DDX49: variants seen among roughly 807,000 people sequenced by gnomAD.
DDX49 encodes the protein probable ATP-dependent RNA helicase DDX49.
Under a neutral mutation model 56.3 loss-of-function variants are expected in DDX49, and 50 were observed. The ratio of observed to expected loss-of-function variants is 0.89; its 90% confidence interval spans 0.71 to 1.12. The LOEUF (loss-of-function observed/expected upper bound fraction) is 1.12. Among genes scored for constraint, DDX49 ranks in the 50% most tolerant of loss-of-function variants. The pLI is 0.00. For missense variants in DDX49, 614 were observed against 650.5 expected, an observed-to-expected ratio of 0.94 and a Z score of 0.61; for synonymous variants, 269 against 270.6, an observed-to-expected ratio of 0.99 and a Z score of 0.06.
At chr19:18,927,879 C>G in intron 11 of DDX49, 25 bp downstream of exon 11, 1 of 1,613,930 alleles carries the variant, frequency 6.2e-7, no homozygotes. Context: ...CGGGCAGGAA[C>G]TAAAGTGCTC....
At chr19:18,921,490 C>CGAGGGG (rs2056916681) in intron 2 of DDX49, among the ~76,000 whole-genome samples, 173 bp from the exon 3 acceptor site, 1 of 152,062 alleles carries the variant, frequency 6.6e-6, no homozygotes, top group Admixed American at 6.5e-5. Context: ...CTGAGCCTGG[C>CGAGGGG]GAGGGGGCAG....
At chr19:18,924,728 G>A (rs59107085) in intron 8 of DDX49, 29 bp downstream of exon 8, 1 of 1,613,986 alleles carries the variant, frequency 6.2e-7, no homozygotes, top group Non-Finnish European at 8.5e-7. Flanking sequence ...CCTGCCAAGG[G>A]CACTCCCTCT....
At chr19:18,924,383 C>A (rs1218964779) in intron 7 of DDX49, 75 bp downstream of exon 7, 9 of 1,478,124 alleles carry the variant, frequency 6.1e-6, no homozygotes, top group Non-Finnish European at 8.4e-6. Context: ...CCGATCCTTC[C>A]TTCTGCCGGG....
rs1356954852 is a variant in DDX49 at position 18,924,676 on chromosome 19, G to A, written c.906G>A (p.Leu302=). ...TCAAGTCCAGCATCTACCGGATCCT[G>A]ATCGCAACAGACGTGGCCTCCCGGT... The part of the protein sequence containing the change: ...AKFKSSIYRI[L]IATDVASRGL... Residue 302 remains leucine (L), a synonymous_variant, in exon 8 of 13, where the codon CTG becomes CTA. Transcript: ENST00000247003. 6.2e-7 allele frequency: 1 copy of A among 1,614,214 alleles called. No individual in the cohort carries two copies. Among genetic ancestry groups the A allele is most frequent in the African/African-American group, 1.3e-5 (1 of 75,050 alleles).
At chr19:18,923,338 G>T (rs1426857069) in intron 6 of DDX49, among the ~76,000 whole-genome samples, 1 of 152,116 alleles carries the variant, frequency 6.6e-6, no homozygotes. Context: ...CCTGCCCAAC[G>T]TGGTGAAACT....
chr19:18,926,726 G>C (rs2056964199), intron 10 of DDX49, among the ~76,000 whole-genome samples: 1 of 152,168 alleles, frequency 6.6e-6, no homozygotes, highest in South Asian at 2.1e-4. Context: ...CCAAGACAGA[G>C]ACACTTCCTA....
intron 6 of DDX49, among the ~76,000 whole-genome samples, chr19:18,923,830 G>A (rs80074873): frequency 1.8e-5 from 1 of 55,536 alleles, no homozygotes; most frequent in Non-Finnish European, 3.6e-5. Context: ...TTTTTTTTTT[G>A]AGAGTCTCAC....
chr19:18,925,648 T>A (rs2056955190), intron 9 of DDX49, among the ~76,000 whole-genome samples: 1 of 152,210 alleles, frequency 6.6e-6, no homozygotes, highest in African/African-American at 2.4e-5. Flanking sequence ...AGCCAGGTGA[T>A]GAACTGAGCA....
chr19:18,928,052 G>A lies in DDX49; in HGVS notation c.1263+16G>A, dbSNP rs757557351. On this transcript the variant is annotated intron_variant, in intron 12 of 12. Transcript: ENST00000247003. ...GGAGGGGAAGGTGAGGGCCGAGCCC[G>A]CAGGTAGGGGGTGGGTGGCCAGGTT... 19 of 1,613,484 alleles carry A rather than the reference G, an allele frequency of 1.2e-5. No homozygotes were observed. The highest frequency in any genetic ancestry group is 6.6e-5 in the South Asian group (6 of 91,080).
chr19:18,924,884 G>A lies in DDX49; in HGVS notation c.932G>A (p.Gly311Asp). ...TGACCAGCCACCTCTGCCTCCAGGGGCCTGGACATCCCTACGGTACAGGTG... is the reference window on the plus strand; with the variant it reads ...TGACCAGCCACCTCTGCCTCCAGGGACCTGGACATCCCTACGGTACAGGTG... ...ILIATDVASRGLDIPTVQVVI... is the reference protein window; with the variant it reads ...ILIATDVASRDLDIPTVQVVI... Residue 311 changes from glycine to aspartate, a missense_variant and splice_region_variant, in exon 9 of 13, where the codon GGC becomes GAC. Coordinates refer to ENST00000247003, the MANE Select transcript of DDX49 (RefSeq NM_019070.5). 4.3e-6 allele frequency: 7 copies of A among 1,612,872 alleles called. No homozygotes were observed. Among genetic ancestry groups the A allele is most frequent in the Non-Finnish European group, 5.9e-6 (7 of 1,179,998 alleles).
Position 18,926,292 on chromosome 19 carries a change from C to T in DDX49, c.1028-11C>T. 1 of 1,569,196 alleles carries T rather than the reference C, an allele frequency of 6.4e-7. No homozygotes were observed. Among genetic ancestry groups the T allele is most frequent in the Non-Finnish European group, 8.6e-7 (1 of 1,156,732 alleles). ...CCCAGCACATAGCAGATAACCGGCA[C>T]ATCCCCACAGGGCGGCAGGGTCAGG... On this transcript the variant is annotated splice_polypyrimidine_tract_variant and intron_variant, in intron 9 of 12. Transcript: ENST00000247003.
chr19:18,922,061 C>T (rs186318224), intron 4 of DDX49, 97 bp downstream of exon 4: 64 of 1,479,434 alleles, frequency 4.3e-5, no homozygotes, highest in Middle Eastern at 2.5e-4. Flanking sequence ...ATTTAGGAAA[C>T]GTATGTCCGT....
rs1468295738 is a variant in DDX49 at position 18,927,085 on chromosome 19, A to AT, written c.1103-681_1103-680insT. Among the ~76,000 whole-genome samples the AT allele has an allele frequency of 2.7e-5, 4 of 148,132 alleles. No homozygotes were observed. The Admixed American group carries it at 2.7e-4, about 10-fold the overall frequency. On this transcript the variant is annotated intron_variant, in intron 10 of 12. Coordinates refer to ENST00000247003, the MANE Select transcript of DDX49 (RefSeq NM_019070.5). The stretch of plus-strand genomic sequence containing the variant: ...GACTCTGTCTCAAAAAAAAAAAAAA[A>AT]AAAAAAAAGAGAAACATCTGGACTT...
In DDX49 at chr19:18,921,739, G is replaced by A. The variant is rs1182705793; in HGVS notation, c.316G>A (p.Gly106Ser). ...PLGLKDCIIV[G>S]GMDMVAQALE... ...AGGGCTGAAAGACTGCATCATCGTC[G>A]GTGGCATGGGTACGGGAGCTGGGAG... is the stretch of plus-strand genomic sequence containing the variant. The change falls in exon 3 of 13, where the codon GGT becomes AGT. Residue 106 changes from glycine to serine, a missense_variant. Transcript: ENST00000247003. The A allele has an allele frequency of 2.5e-6, 4 of 1,613,994 alleles. No individual in the cohort carries two copies. The highest frequency in any genetic ancestry group is 1.3e-5 in the African/African-American group (1 of 74,914).
rs148001226 is a variant in DDX49 at position 18,924,135 on chromosome 19, A to G, written c.777-98A>G. On this transcript the variant is annotated intron_variant, in intron 6 of 12. Transcript: ENST00000247003. The stretch of plus-strand genomic sequence containing the variant: ...CTGCCTCTCCTTTCTAAGCTGCATG[A>G]GGCCACTGTGCTAGGTGTCTCAGGG... The G allele has an allele frequency of 4.2e-4, 495 of 1,168,732 alleles. 2 individuals carry two copies. In the East Asian group the frequency reaches 0.011, roughly 26 times the overall value. 72.4% of individuals were successfully genotyped at this position (1,168,732 alleles called of 1,614,324 possible). A position where few individuals can be genotyped will look rare whatever the true frequency, so the allele number is the denominator to read the frequency against.
At chr19:18,926,169 G>T (rs553201337) in intron 9 of DDX49, 134 bp from the exon 10 acceptor site, 51 of 916,122 alleles carry the variant, frequency 5.6e-5, no homozygotes, top group Non-Finnish European at 7.9e-5. Context: ...GACACTCTGG[G>T]CTGATCCCTC....
At chr19:18,923,049 G>GAAGTTGTGAC (rs1339488360) in intron 6 of DDX49, among the ~76,000 whole-genome samples, 1 of 152,276 alleles carries the variant, frequency 6.6e-6, no homozygotes, top group East Asian at 1.9e-4. Context: ...CATCTCAGAG[G>GAAGTTGTGAC]AAGTTGTGAC....
rs767235633 is a variant in DDX49, at chr19:18,922,388, G to A, written c.510G>A (p.Glu170=). 6.2e-6 allele frequency: 10 copies of A among 1,611,560 alleles called. No individual in the cohort carries two copies. The highest frequency in any genetic ancestry group is 1.1e-5 in the South Asian group (1 of 90,798). The change falls in exon 5 of 13, where the codon GAG becomes GAA. Residue 170 remains glutamate, a synonymous_variant. Transcript: ENST00000247003. ...GCACTGACTTCACCGTGGACCTGGA[G>A]GCCATCCTGGCGGCTGTGCCGGCCC... The part of the protein sequence containing the change: ...QGCTDFTVDL[E]AILAAVPARR...
chr19:18,921,068 G>A (rs577932798), intron 2 of DDX49, among the ~76,000 whole-genome samples: 45 of 152,152 alleles, frequency 3.0e-4, no homozygotes, highest in African/African-American at 9.4e-4. Context: ...TTGAACCCAG[G>A]AGGCGGAGGT....
Sources: gnomAD v4.1 joint callset for allele counts (sites outside exome capture counted in the v4.1 genomes callset) on GRCh38, gnomAD v4.1.1 for gene constraint, MANE v1.5 for transcripts, NCBI Gene and HGNC (gene_info 2026-07-23, HGNC 2026-07-21) for gene names.